Variants in MAMDC2 observed in about 807,000 individuals in gnomAD.
MAMDC2 encodes MAM domain-containing protein 2.
A neutral mutation model predicts 89.8 loss-of-function variants in MAMDC2; 57 were observed. That is an observed-to-expected ratio of 0.63 (90% CI 0.51 to 0.79). The LOEUF (loss-of-function observed/expected upper bound fraction) is 0.79. Among genes scored for constraint, MAMDC2 ranks in the 30% least tolerant of loss-of-function variants. The pLI is 0.00. For synonymous variants in MAMDC2, 313 were observed against 293.4 expected (o/e 1.07, Z -0.68); for missense variants, 800 against 820.6 (o/e 0.97, Z 0.31).
intron 11 of MAMDC2, among the ~76,000 whole-genome samples, chr9:70,214,272 A>G (rs1301338332): frequency 6.6e-6 from 1 of 152,230 alleles, no homozygotes; most frequent in Non-Finnish European, 1.5e-5. Flanking sequence ...GGTCTAATAG[A>G]AAAGGTGACA....
chr9:70,062,126 A>T (rs1827162374), intron 2 of MAMDC2, among the ~76,000 whole-genome samples: 1 of 152,104 alleles, frequency 6.6e-6, no homozygotes, highest in South Asian at 2.1e-4. Context: ...GTTGTCTAAG[A>T]TTTTGAAATT....
chr9:70,221,511 G>C (rs2033566357), intron 12 of MAMDC2, among the ~76,000 whole-genome samples: 1 of 150,376 alleles, frequency 6.6e-6, no homozygotes. Flanking sequence ...AGCAGGGAAT[G>C]GGGAGTTGTT....
At chr9:70,163,725 A>C (rs1174348613) in intron 9 of MAMDC2, among the ~76,000 whole-genome samples, 1 of 151,964 alleles carries the variant, frequency 6.6e-6, no homozygotes, top group African/African-American at 2.4e-5. Context: ...AGGCTGAGGC[A>C]GGCAGATCAC....
At chr9:70,151,095 G>T (rs939422977) in intron 9 of MAMDC2, among the ~76,000 whole-genome samples, 1 of 152,178 alleles carries the variant, frequency 6.6e-6, no homozygotes, top group African/African-American at 2.4e-5. Context: ...TGAGTCCCAA[G>T]GCCTTTCCTA....
At chr9:70,220,770 G>A (rs113710459) in intron 12 of MAMDC2, among the ~76,000 whole-genome samples, 2 of 152,160 alleles carry the variant, frequency 1.3e-5, no homozygotes, top group South Asian at 2.1e-4. Context: ...TCATTGGCCT[G>A]AAGGTCACAA....
At chr9:70,181,026 G>A (rs1175846030) in intron 11 of MAMDC2, among the ~76,000 whole-genome samples, 1 of 152,158 alleles carries the variant, frequency 6.6e-6, no homozygotes, top group African/African-American at 2.4e-5. Flanking sequence ...AGTTAATTTT[G>A]TATAAGGTGT....
intron 9 of MAMDC2, among the ~76,000 whole-genome samples, chr9:70,144,527 G>A (rs960617258): frequency 6.6e-6 from 1 of 152,184 alleles, no homozygotes; most frequent in African/African-American, 2.4e-5. Context: ...ACCAGTGTGG[G>A]AAAAATCCAT....
intron 2 of MAMDC2, among the ~76,000 whole-genome samples, chr9:70,101,661 G>C (rs1370884216): frequency 2.0e-5 from 3 of 152,158 alleles, no homozygotes; most frequent in African/African-American, 7.2e-5. Flanking sequence ...AGGAGTAATA[G>C]GCTGTCTCAT....
intron 2 of MAMDC2, among the ~76,000 whole-genome samples, chr9:70,074,597 G>A (rs1028803918): frequency 2.0e-5 from 3 of 152,198 alleles, no homozygotes; most frequent in Non-Finnish European, 2.9e-5. Context: ...CCGCCACCAA[G>A]GCACTGAATA....
chr9:70,200,447 T>G (rs971240524), intron 11 of MAMDC2, among the ~76,000 whole-genome samples: 123 of 151,286 alleles, frequency 8.1e-4, no homozygotes, highest in African/African-American at 2.5e-3. Flanking sequence ...CTGTTTTGGT[T>G]ACTGTAGCCT....
chr9:70,100,161 G>T (rs1017975533), intron 2 of MAMDC2, among the ~76,000 whole-genome samples: 1 of 152,156 alleles, frequency 6.6e-6, no homozygotes. Flanking sequence ...CATTTATTAA[G>T]AACTTGGCTC....
chr9:70,105,956 A>G (rs1828330624), intron 2 of MAMDC2: 1 of 152,218 alleles, frequency 6.6e-6, no homozygotes, highest in South Asian at 2.1e-4. Context: ...TCTTTGGTAG[A>G]TGAGAGGTGG....
intron 5 of MAMDC2, among the ~76,000 whole-genome samples, chr9:70,116,073 CAG>C (rs2029975287): frequency 6.6e-6 from 1 of 152,286 alleles, no homozygotes; most frequent in Admixed American, 6.5e-5. Flanking sequence ...CACAGTTGCA[CAG>C]AGAGGCAAAT....
At chr9:70,052,160 A>G (rs540674392) in intron 2 of MAMDC2, among the ~76,000 whole-genome samples, 7 of 152,298 alleles carry the variant, frequency 4.6e-5, no homozygotes, top group Non-Finnish European at 1.0e-4. Flanking sequence ...GTGTATTGGA[A>G]TGGCTTTCAA....
intron 2 of MAMDC2, among the ~76,000 whole-genome samples, chr9:70,102,094 G>A (rs1035956824): frequency 1.3e-5 from 2 of 149,812 alleles, no homozygotes; most frequent in Non-Finnish European, 2.9e-5. Context: ...TCGTATGTGT[G>A]TGTGTTGTAC....
chr9:70,209,288 A>G (rs2033300241), intron 11 of MAMDC2, among the ~76,000 whole-genome samples: 1 of 152,148 alleles, frequency 6.6e-6, no homozygotes, highest in Admixed American at 6.5e-5. Context: ...TAGGCTATTA[A>G]TTATTGCCTC....
At chr9:70,203,148 T>C (rs1338877841) in intron 11 of MAMDC2, among the ~76,000 whole-genome samples, 7 of 150,936 alleles carry the variant, frequency 4.6e-5, no homozygotes, top group Non-Finnish European at 7.4e-5. Flanking sequence ...TTCTTCCTAG[T>C]CTTGATGGTC....
In MAMDC2 at chr9:70,126,170, T is replaced by C; in HGVS notation, c.655T>C (p.Tyr219His). Residue 219 changes from tyrosine (Y) to histidine (H), a missense_variant, in exon 6 of 14, where the codon TAC becomes CAC. Transcript: ENST00000377182. ...TGTGTGATTTTCAGGCCACTACATG[T>C]ACGTGGACTCAGTTTATGTGAAGCA... is the stretch of plus-strand genomic sequence containing the variant. ...TFKSELGHYM[Y>H]VDSVYVKHFQ... 14 of 1,613,356 alleles carry C rather than the reference T, an allele frequency of 8.7e-6. No homozygotes were observed. Among genetic ancestry groups the C allele is most frequent in the Non-Finnish European group, 1.2e-5 (14 of 1,179,604 alleles).
chr9:70,211,818 C>T (rs369243840), intron 11 of MAMDC2, among the ~76,000 whole-genome samples: 3 of 152,264 alleles, frequency 2.0e-5, no homozygotes, highest in African/African-American at 7.2e-5. Context: ...TGTGGATGTC[C>T]TTTCTGTTCA....
Sources: gnomAD v4.1 joint callset for allele counts (sites outside exome capture counted in the v4.1 genomes callset) on GRCh38, gnomAD v4.1.1 for gene constraint, MANE v1.5 for transcripts, NCBI Gene and HGNC (gene_info 2026-07-23, HGNC 2026-07-21) for gene names.